The following TSKS variants were observed in gnomAD, a reference collection of about 807,000 sequenced individuals.
TSKS encodes testis-specific serine kinase substrate.
A neutral mutation model predicts 68.0 loss-of-function variants in TSKS; 27 were observed. That is an observed-to-expected ratio of 0.40 (90% CI 0.29 to 0.55). TSKS has a LOEUF of 0.55. Ranked by LOEUF, TSKS falls within the 20% of genes least tolerant of loss-of-function variation. TSKS has a pLI of 0.53. For synonymous variants in TSKS, 331 were observed against 340.4 expected (o/e 0.97, Z 0.30); for missense variants, 806 against 776.0 (o/e 1.04, Z -0.46).
chr19:49,751,326 G>T (rs1272206001), intron 2 of TSKS, among the ~76,000 whole-genome samples: 3 of 126,624 alleles, frequency 2.4e-5, no homozygotes, highest in Non-Finnish European at 5.0e-5. Context: ...AAAAAAAAAG[G>T]AATTCAAAAA....
intron 2 of TSKS, among the ~76,000 whole-genome samples, chr19:49,757,009 G>A (rs10421230): frequency 0.068 from 10,410 of 152,254 alleles, 626 homozygotes; most frequent in African/African-American, 0.16. Context: ...GCAGTAAGCC[G>A]AGATTGCGCC....
At chr19:49,746,369 A>AC in intron 6 of TSKS, 101 bp downstream of exon 6, 5 of 1,373,580 alleles carry the variant, frequency 3.6e-6, no homozygotes, top group Non-Finnish European at 5.0e-6. Context: ...CTACTTGAGA[A>AC]CCCCCGTCCC....
chr19:49,746,408 G>C (rs2084300413), intron 6 of TSKS, 62 bp downstream of exon 6: 1 of 1,589,406 alleles, frequency 6.3e-7, no homozygotes, highest in African/African-American at 1.3e-5. Flanking sequence ...ATCTCCTCGA[G>C]GCTCCACCCC....
Position 49,746,726 on chromosome 19 carries a change from G to A in TSKS, c.736C>T (p.Pro246Ser), listed in dbSNP as rs746682294. The A allele has an allele frequency of 2.5e-6, 4 of 1,569,820 alleles. No individual in the cohort carries two copies. The highest frequency in any genetic ancestry group is 3.5e-6 in the Non-Finnish European group (4 of 1,158,930). ...PRRQEAELQE[P>S]EEKQEPEEKQ... ...TCCTCCGGCTCCTGCTTCTCCTCCG[G>A]CTCCTGCAGCTCGGCCTCCTGCCGT... Residue 246 changes from proline to serine, a missense_variant, in exon 6 of 11, where the codon CCG becomes TCG. Transcript: ENST00000246801.
intron 2 of TSKS, among the ~76,000 whole-genome samples, chr19:49,751,405 G>A (rs2084349714): frequency 6.6e-6 from 1 of 151,658 alleles, no homozygotes; most frequent in Non-Finnish European, 1.5e-5. Flanking sequence ...TCACAATTCT[G>A]GAAATTAACC....
intron 7 of TSKS, 33 bp from the exon 8 acceptor site, chr19:49,744,437 T>C (rs1442925827): frequency 4.4e-6 from 7 of 1,600,674 alleles, no homozygotes; most frequent in Non-Finnish European, 6.0e-6. Flanking sequence ...TGCTGGGTCG[T>C]CTCTTCAGCG....
intron 2 of TSKS, among the ~76,000 whole-genome samples, chr19:49,753,510 C>T (rs949937525): frequency 5.3e-5 from 8 of 150,864 alleles, no homozygotes; most frequent in African/African-American, 1.7e-4. Context: ...TGCAGTGAGC[C>T]GAGATCGCGC....
At chr19:49,756,709 G>C (rs537923664) in intron 2 of TSKS, among the ~76,000 whole-genome samples, 3 of 152,168 alleles carry the variant, frequency 2.0e-5, no homozygotes, top group African/African-American at 7.2e-5. Context: ...TTAAAACGTG[G>C]AGCCTTATTT....
chr19:49,742,749 G>C (rs2084262781), intron 8 of TSKS, among the ~76,000 whole-genome samples: 1 of 152,008 alleles, frequency 6.6e-6, no homozygotes, highest in Admixed American at 6.6e-5. Context: ...CCTCCCACTT[G>C]GCCTCCCAAA....
At chr19:49,741,100 C>A (rs992050405) in intron 9 of TSKS, among the ~76,000 whole-genome samples, 1 of 152,142 alleles carries the variant, frequency 6.6e-6, no homozygotes, top group African/African-American at 2.4e-5. Flanking sequence ...ATAGCGTGAA[C>A]CCAGGAGGCA....
chr19:49,761,132 C>G (rs552528197), intron 2 of TSKS, among the ~76,000 whole-genome samples: 22 of 152,044 alleles, frequency 1.4e-4, no homozygotes, highest in African/African-American at 5.1e-4. Context: ...AATAAAGGAA[C>G]GAATGTATGC....
chr19:49,746,546 C>G lies in TSKS; in HGVS notation c.916G>C (p.Gly306Arg). Residue 306 changes from glycine (G) to arginine (R), a missense_variant, in exon 6 of 11, where the codon GGG becomes CGG. Physicochemically the swap from Gly to Arg is moderately radical, Grantham distance 125 (BLOSUM62 -2). Transcript: ENST00000246801. ...HGLVPAGWGM[G>R]PRAGEGPYVS... ...TAGGGGCCCTCGCCAGCCCGAGGCC[C>G]CATTCCCCAGCCTGCGGGGACCAGG... The G allele has an allele frequency of 6.2e-7, 1 of 1,613,634 alleles. No homozygotes were observed. The highest frequency in any genetic ancestry group is 2.2e-5 in the East Asian group (1 of 44,884).
Position 49,748,477 on chromosome 19 carries a change from A to G in TSKS, c.400-8T>C, listed in dbSNP as rs769372253. On this transcript the variant is annotated splice_region_variant and splice_polypyrimidine_tract_variant and intron_variant, in intron 2 of 10. Coordinates refer to ENST00000246801, the MANE Select transcript of TSKS (RefSeq NM_021733.2). ...TCCACTGTTGACCCCACTCTGGGGA[A>G]GAATGGGAGACAGGTGAGTTAGTGG... The G allele has an allele frequency of 1.9e-6, 3 of 1,613,248 alleles. No homozygotes were observed. Among genetic ancestry groups the G allele is most frequent in the Non-Finnish European group, 2.5e-6 (3 of 1,179,458 alleles).
chr19:49,751,344 C>T (rs776527384), intron 2 of TSKS, among the ~76,000 whole-genome samples: 44 of 150,936 alleles, frequency 2.9e-4, no homozygotes, highest in Non-Finnish European at 5.3e-4. Context: ...AAATTCCACC[C>T]CTCCATAAAA....
At chr19:49,753,596 A>ATAAT (rs1555789510) in intron 2 of TSKS, among the ~76,000 whole-genome samples, 1 of 127,586 alleles carries the variant, frequency 7.8e-6, no homozygotes, top group Non-Finnish European at 1.6e-5. Context: ...AATAATAATA[A>ATAAT]AATAAAATTA....
chr19:49,749,386 A>G (rs114926208), intron 2 of TSKS, among the ~76,000 whole-genome samples: 163 of 152,304 alleles, frequency 1.1e-3, no homozygotes, highest in African/African-American at 3.5e-3. Context: ...GCCTCTGGTC[A>G]TCATTACTTT....
chr19:49,755,909 G>T (rs1386309171), intron 2 of TSKS, among the ~76,000 whole-genome samples: 1 of 152,080 alleles, frequency 6.6e-6, no homozygotes, highest in African/African-American at 2.4e-5. Flanking sequence ...GCTGAGGCAG[G>T]AGAATCGCTT....
At chr19:49,752,691 T>G (rs767142172) in intron 2 of TSKS, among the ~76,000 whole-genome samples, 14 of 152,126 alleles carry the variant, frequency 9.2e-5, no homozygotes, top group Non-Finnish European at 1.8e-4. Context: ...TGGATAACAG[T>G]TGGGGTAAAC....
chr19:49,746,055 C>T (rs753826531), intron 6 of TSKS, among the ~76,000 whole-genome samples: 2 of 152,102 alleles, frequency 1.3e-5, no homozygotes, highest in Admixed American at 1.3e-4. Context: ...TGGTGGCGGG[C>T]GCCTGTAGTC....
Sources: allele counts gnomAD v4.1 joint callset (sites outside exome capture counted in the v4.1 genomes callset), GRCh38; gene constraint gnomAD v4.1.1; transcripts MANE v1.5; gene names NCBI Gene and HGNC (gene_info 2026-07-23, HGNC 2026-07-21).